The following HERC6 variants were observed in gnomAD, a reference collection of about 807,000 sequenced individuals.
HERC6 encodes HECT and RLD domain containing E3 ubiquitin protein ligase family member 6.
Under a neutral mutation model 114.5 loss-of-function variants are expected in HERC6, and 101 were observed. The ratio of observed to expected loss-of-function variants is 0.88; its 90% CI spans 0.75 to 1.04. The LOEUF (loss-of-function observed/expected upper bound fraction) is 1.04. Among genes scored for constraint, HERC6 ranks in the 50% least tolerant of loss-of-function variants. The pLI is 0.00. For synonymous variants in HERC6, 408 were observed against 436.2 expected, an observed-to-expected ratio of 0.94 and a Z score of 0.81; for missense variants, 1,133 against 1,230.9, an observed-to-expected ratio of 0.92 and a Z score of 1.19.
rs765221484 is a variant in HERC6, at chr4:88,396,008, T to G, written c.760-7T>G. 6.3e-6 allele frequency: 10 copies of G among 1,576,768 alleles called. No homozygotes were observed. The African/African-American group carries it at 1.4e-4, about 22-fold the overall frequency. ...GAAATTAATTTGATTCTTCCTTTGC[T>G]AAGCAGGACGGGAAAGTGTTCACAT... On this transcript the variant is annotated splice_polypyrimidine_tract_variant and splice_region_variant and intron_variant, in intron 5 of 22. Transcript: ENST00000264346.
chr4:88,432,958 C>T (rs921655564), intron 17 of HERC6, among the ~76,000 whole-genome samples: 2 of 151,218 alleles, frequency 1.3e-5, no homozygotes, highest in African/African-American at 2.4e-5. Flanking sequence ...TGTGGTGGCA[C>T]GAGCCTGTAG....
At chr4:88,404,731 G>A (rs1174849585) in intron 8 of HERC6, 145 bp from the exon 9 acceptor site, 1 of 987,298 alleles carries the variant, frequency 1.0e-6, no homozygotes, top group Non-Finnish European at 1.4e-6. Flanking sequence ...TAGCCCTACC[G>A]GTCTGACGCC....
intron 8 of HERC6, among the ~76,000 whole-genome samples, chr4:88,404,271 C>T (rs568577780): frequency 6.6e-6 from 1 of 150,982 alleles, no homozygotes; most frequent in Non-Finnish European, 1.5e-5. Context: ...TGTCTCACTG[C>T]AACCTCCACC....
chr4:88,388,962 A>G (rs1045865815), intron 3 of HERC6, among the ~76,000 whole-genome samples: 3 of 152,148 alleles, frequency 2.0e-5, no homozygotes, highest in African/African-American at 7.2e-5. Context: ...GGGATGAGAT[A>G]TATTGGTTTG....
chr4:88,394,186 G>T (rs949281960), intron 5 of HERC6, among the ~76,000 whole-genome samples: 1 of 152,050 alleles, frequency 6.6e-6, no homozygotes, highest in African/African-American at 2.4e-5. Context: ...TACTAAATTA[G>T]GTTAATAGCT....
chr4:88,410,068 C>A (rs1736010638), intron 11 of HERC6, among the ~76,000 whole-genome samples: 1 of 152,174 alleles, frequency 6.6e-6, no homozygotes, highest in South Asian at 2.1e-4. Context: ...CCCCAAATAT[C>A]TAAGACAGGT....
chr4:88,441,933 G>C (rs1279758590), intron 22 of HERC6, among the ~76,000 whole-genome samples: 1 of 152,076 alleles, frequency 6.6e-6, no homozygotes, highest in Non-Finnish European at 1.5e-5. Flanking sequence ...CACTCAGCCT[G>C]GTGTTTCTCT....
At chr4:88,407,272 G>T (rs542612513) in intron 10 of HERC6, among the ~76,000 whole-genome samples, 16 of 151,368 alleles carry the variant, frequency 1.1e-4, no homozygotes, top group African/African-American at 3.9e-4. Flanking sequence ...TAGAGACAGG[G>T]TTTCACCACG....
At chr4:88,382,196 A>G (rs1266740635) in intron 1 of HERC6, among the ~76,000 whole-genome samples, 2 of 152,224 alleles carry the variant, frequency 1.3e-5, no homozygotes, top group Non-Finnish European at 2.9e-5. Flanking sequence ...ACAAAATCTT[A>G]AATGTTGCAA....
intron 15 of HERC6, among the ~76,000 whole-genome samples, chr4:88,426,388 G>A (rs998159820): frequency 1.4e-4 from 22 of 151,980 alleles, no homozygotes; most frequent in Non-Finnish European, 2.6e-4. Flanking sequence ...GGCTGGTCTC[G>A]AACTCCCAAC....
chr4:88,385,468 A>G, intron 2 of HERC6, 31 bp from the exon 3 acceptor site: 1 of 1,067,506 alleles, frequency 9.4e-7, no homozygotes, highest in Non-Finnish European at 1.4e-6. Flanking sequence ...CTAAATAAGG[A>G]TTAATCAATT....
intron 5 of HERC6, among the ~76,000 whole-genome samples, chr4:88,394,757 C>G (rs1277667518): frequency 6.6e-6 from 1 of 151,804 alleles, no homozygotes; most frequent in Non-Finnish European, 1.5e-5. Context: ...GTTGGCCAGG[C>G]TGGTATCAAA....
intron 19 of HERC6, 57 bp downstream of exon 19, chr4:88,437,028 A>T: frequency 7.9e-7 from 1 of 1,264,972 alleles, no homozygotes; most frequent in Non-Finnish European, 1.1e-6. Context: ...CTAAAAAATA[A>T]TTTTTATTAT....
At chr4:88,408,195 G>C (rs1429354750) in intron 10 of HERC6, among the ~76,000 whole-genome samples, 3 of 151,984 alleles carry the variant, frequency 2.0e-5, no homozygotes, top group Non-Finnish European at 4.4e-5. Context: ...GAGGGTGGGG[G>C]GTAGGTAGTT....
At chr4:88,409,115 C>T (rs2148896836) in intron 11 of HERC6, among the ~76,000 whole-genome samples, 1 of 152,266 alleles carries the variant, frequency 6.6e-6, no homozygotes. Context: ...ATGTTATTTG[C>T]AAGAGTAATT....
intron 5 of HERC6, among the ~76,000 whole-genome samples, chr4:88,394,494 A>AT (rs1735109821): frequency 6.7e-6 from 1 of 149,538 alleles, no homozygotes; most frequent in Non-Finnish European, 1.5e-5. Context: ...AAAAAAAAAA[A>AT]ATTAGGTTAA....
At chr4:88,390,912 ATTCT>A (rs1451321651) in intron 4 of HERC6, 33 bp downstream of exon 4, 24 of 1,549,654 alleles carry the variant, frequency 1.5e-5, no homozygotes, top group Non-Finnish European at 2.0e-5. Flanking sequence ...GCAGTAAATC[ATTCT>A]TTCTTTCCAG....
chr4:88,396,237 T>A, intron 6 of HERC6, 95 bp downstream of exon 6: 1 of 1,064,148 alleles, frequency 9.4e-7, no homozygotes, highest in Non-Finnish European at 1.3e-6. Flanking sequence ...TATCAAACCT[T>A]AAAATTCCTG....
At chr4:88,387,732 T>C (rs1734661004) in intron 3 of HERC6, among the ~76,000 whole-genome samples, 1 of 152,222 alleles carries the variant, frequency 6.6e-6, no homozygotes, top group Non-Finnish European at 1.5e-5. Flanking sequence ...GAAGGTTATT[T>C]AGAAGATTGA....
Sources: gnomAD v4.1 joint callset for allele counts (sites outside exome capture counted in the v4.1 genomes callset) on GRCh38, gnomAD v4.1.1 for gene constraint, MANE v1.5 for transcripts, NCBI Gene and HGNC (gene_info 2026-07-23, HGNC 2026-07-21) for gene names.